Variants in TMEM154 observed in about 807,000 individuals in gnomAD.
The protein encoded by TMEM154 is transmembrane protein 154.
In TMEM154, 27 loss-of-function variants were observed where a neutral mutation model predicts 24.5. The observed-to-expected ratio is 1.10, with a 90% confidence interval of 0.81 to 1.52. The LOEUF (loss-of-function observed/expected upper bound fraction) is 1.52, where lower values mean the gene tolerates loss of function less well. Ranked by LOEUF, TMEM154 falls within the 40% of genes most tolerant of loss-of-function variation. The pLI is 0.00. For missense variants in TMEM154, 228 were observed against 213.4 expected, an observed-to-expected ratio of 1.07 and a Z score of -0.43; for synonymous variants, 67 against 76.8, an observed-to-expected ratio of 0.87 and a Z score of 0.67.
At chr4:152,628,638 CT>C (rs1201157665) in intron 6 of TMEM154, 77 bp from the exon 7 acceptor site, 178,685 of 907,416 alleles carry the variant, frequency 0.2, 109 homozygotes, top group South Asian at 0.21. Context: ...ATATTTCTTT[CT>C]TTTTTTTTTT....
At chr4:152,628,673 G>A (rs1178013206) in intron 6 of TMEM154, 112 bp from the exon 7 acceptor site, 43 of 1,268,006 alleles carry the variant, frequency 3.4e-5, no homozygotes, top group African/African-American at 5.2e-5. Context: ...GTCTGGCTCC[G>A]TCGCCCAGGC....
At chr4:152,672,090 TAAA>T (rs11290618) in intron 1 of TMEM154, among the ~76,000 whole-genome samples, 1,667 of 101,894 alleles carry the variant, frequency 0.016, 45 homozygotes, top group African/African-American at 0.056. Context: ...CCTATCTCTA[TAAA>T]AAAAAAAAAA....
chr4:152,635,673 T>C (rs1752134921), intron 6 of TMEM154, among the ~76,000 whole-genome samples: 1 of 152,212 alleles, frequency 6.6e-6, no homozygotes, highest in Admixed American at 6.5e-5. Flanking sequence ...CTTTTTATAA[T>C]GACATCGAGC....
At chr4:152,661,341 T>TCTCTCTCTCTCTCTCC (rs1554013049) in intron 1 of TMEM154, among the ~76,000 whole-genome samples, 4 of 109,150 alleles carry the variant, frequency 3.7e-5, no homozygotes, top group African/African-American at 1.4e-4. Flanking sequence ...TCTCTCTCTC[T>TCTCTCTCTCTCTCTCC]CCCCCCAACT....
In TMEM154 at chr4:152,624,885, C is replaced by T. The variant is rs561283426; in HGVS notation, c.*3661G>A. ...TGTTATAGCTATTAAATGGAAACCC[C>T]AGAATTCATCCTGAATGTCTCTGAA... On this transcript the variant is annotated 3_prime_UTR_variant, in exon 7 of 7. Transcript: ENST00000304385. 9.8e-5 allele frequency: 15 copies of T among 152,312 alleles called. No individual in the cohort carries two copies. The highest frequency in any genetic ancestry group is 3.6e-4 in the African/African-American group (15 of 41,578). 9.4% of individuals were successfully genotyped at this position (152,312 alleles called of 1,614,324 possible).
At chr4:152,674,452 T>C (rs546061412) in intron 1 of TMEM154, among the ~76,000 whole-genome samples, 46 of 152,334 alleles carry the variant, frequency 3.0e-4, no homozygotes, top group African/African-American at 1.1e-3. Context: ...GCTCTATTCC[T>C]TTCTTCTTTC....
intron 1 of TMEM154, among the ~76,000 whole-genome samples, chr4:152,679,537 T>G (rs1272468420): frequency 1.3e-4 from 2 of 15,104 alleles, no homozygotes; most frequent in Non-Finnish European, 3.1e-3. Flanking sequence ...GAAGCTTTTG[T>G]TTTTTTTTAC....
At chr4:152,666,109 A>G (rs1728717644) in intron 1 of TMEM154, among the ~76,000 whole-genome samples, 1 of 151,742 alleles carries the variant, frequency 6.6e-6, no homozygotes, top group Non-Finnish European at 1.5e-5. Flanking sequence ...TTCAACAAGT[A>G]ATCAGGTTGT....
rs1751958581 is a variant in TMEM154 at position 152,628,563 on chromosome 4, T to C, written c.537-2A>G. On this transcript the variant is annotated splice_acceptor_variant, in intron 6 of 6. Coordinates refer to ENST00000304385, the MANE Select transcript of TMEM154 (RefSeq NM_152680.3). LOFTEE classifies it high-confidence loss of function. ...ATTCAGGTTTAGGATTCACTGTCAC[T>C]GTAAAAAAAAAAAAAAAAAAAAAAA... 12 of 668,026 alleles carry C rather than the reference T, an allele frequency of 1.8e-5. No homozygotes were observed. The highest frequency in any genetic ancestry group is 3.6e-5 in the African/African-American group (1 of 27,728). The allele number at this position is 668,026 out of a possible 1,614,324, so 41.4% of individuals were successfully genotyped here.
chr4:152,628,611 A>ACACC, intron 6 of TMEM154, 50 bp from the exon 7 acceptor site: 1 of 1,088,172 alleles, frequency 9.2e-7, no homozygotes. Flanking sequence ...ACACACACAC[A>ACACC]CACACAAAAC....
Position 152,620,061 on chromosome 4 carries a change from A to T in TMEM154, c.*8485T>A, listed in dbSNP as rs970430177. The T allele has an allele frequency of 1.3e-5, 2 of 152,092 alleles. No individual in the cohort carries two copies. The highest frequency in any genetic ancestry group is 2.9e-5 in the Non-Finnish European group (2 of 68,052). 9.4% of individuals were successfully genotyped at this position (152,092 alleles called of 1,614,324 possible). A position where few individuals can be genotyped will look rare whatever the true frequency, so the allele number is the denominator to read the frequency against. ...AGCAATGCTGATTTTGCTGTTCTCC[A>T]CACTCCTATATACATTCTAGGCTGG... On this transcript the variant is annotated 3_prime_UTR_variant, in exon 7 of 7. Coordinates refer to ENST00000304385, the MANE Select transcript of TMEM154 (RefSeq NM_152680.3).
rs79759295 is a variant in TMEM154 at position 152,657,570 on chromosome 4, G to A, written c.65-4643C>T. On this transcript the variant is annotated intron_variant, in intron 1 of 6. Coordinates refer to ENST00000304385, the MANE Select transcript of TMEM154 (RefSeq NM_152680.3). ...GAAACAATAGATGAAAACTTCCCAA[G>A]TTTCGCAAGAGATTTAGACATCCAG... is the stretch of plus-strand genomic sequence containing the variant. Among the ~76,000 whole-genome samples, 611 of 152,278 alleles carry A rather than the reference G, an allele frequency of 4.0e-3. 4 individuals carry two copies. Among genetic ancestry groups the A allele is most frequent in the African/African-American group, 0.014 (590 of 41,556 alleles).
At chr4:152,675,705 G>C (rs1288277394) in intron 1 of TMEM154, among the ~76,000 whole-genome samples, 1 of 152,110 alleles carries the variant, frequency 6.6e-6, no homozygotes, top group Non-Finnish European at 1.5e-5. Context: ...TGGATGGCTT[G>C]ACCGTCAAGA....
chr4:152,644,691 T>C (rs1469875090), intron 3 of TMEM154, among the ~76,000 whole-genome samples: 2 of 152,226 alleles, frequency 1.3e-5, no homozygotes, highest in African/African-American at 2.4e-5. Context: ...TCAGACCAGA[T>C]GTTCATCCGT....
chr4:152,642,348 T>C (rs944924576), intron 5 of TMEM154, among the ~76,000 whole-genome samples: 2 of 152,124 alleles, frequency 1.3e-5, no homozygotes, highest in East Asian at 1.9e-4. Context: ...TAATGCTGGG[T>C]TTTATTCATT....
chr4:152,668,311 A>T (rs182590927), intron 1 of TMEM154: 139 of 151,944 alleles, frequency 9.1e-4, no homozygotes, highest in African/African-American at 3.0e-3. Context: ...AAAAAAAAGG[A>T]TTATTAAATG....
At chr4:152,657,136 A>G (rs1017365310) in intron 1 of TMEM154, among the ~76,000 whole-genome samples, 7 of 148,770 alleles carry the variant, frequency 4.7e-5, no homozygotes, top group Non-Finnish European at 7.4e-5. Context: ...AAAAATAAAG[A>G]AAAAAGAATG....
In TMEM154 at chr4:152,628,852, A is replaced by G. The variant is rs547749011; in HGVS notation, c.537-291T>C. On this transcript the variant is annotated intron_variant, in intron 6 of 6. Coordinates refer to ENST00000304385, the MANE Select transcript of TMEM154 (RefSeq NM_152680.3). ...AGTAGAGGCGGGGTTTCACCATGTT[A>G]GCCAGGATGGTCTCGATCTCCTGAC... Among the ~76,000 whole-genome samples, 682 of 150,304 alleles carry G rather than the reference A, an allele frequency of 4.5e-3. 14 individuals carry two copies. The highest frequency in any genetic ancestry group is 6.9e-3 in the Middle Eastern group (2 of 290).
intron 1 of TMEM154, among the ~76,000 whole-genome samples, chr4:152,664,488 C>A (rs1689128631): frequency 6.6e-6 from 1 of 152,022 alleles, no homozygotes; most frequent in Admixed American, 6.6e-5. Context: ...CACACATATA[C>A]CTATGTAACA....
Sources: allele counts gnomAD v4.1 joint callset (sites outside exome capture counted in the v4.1 genomes callset), GRCh38; gene constraint gnomAD v4.1.1; transcripts MANE v1.5; gene names NCBI Gene and HGNC (gene_info 2026-07-23, HGNC 2026-07-21).